The following FER1L5 variants were observed in gnomAD, a reference collection of about 807,000 sequenced individuals.
FER1L5 encodes the protein fer-1 like family member 5, also known as fer-1-like protein 5.
A neutral mutation model predicts 279.9 loss-of-function variants in FER1L5; 187 were observed. That is an observed-to-expected ratio of 0.67 (90% CI 0.59 to 0.75). The LOEUF (loss-of-function observed/expected upper bound fraction) is 0.75, where lower values mean the gene tolerates loss of function less well. Ranked by LOEUF, FER1L5 falls within the 30% of genes least tolerant of loss-of-function variation. The probability of loss-of-function intolerance (pLI) is 0.00; values close to 1 mark genes in which losing one functional copy is unlikely to be tolerated. For synonymous variants in FER1L5, 921 were observed against 989.7 expected (o/e 0.93, Z 1.30); for missense variants, 2,091 against 2,594.4 (o/e 0.81, Z 4.21).
At chr2:96,679,421 A>G (rs184371517) in intron 19 of FER1L5, among the ~76,000 whole-genome samples, 1 of 152,094 alleles carries the variant, frequency 6.6e-6, no homozygotes, top group East Asian at 1.9e-4. Context: ...ACGGGGTTTC[A>G]CCATGTTGGT....
At chr2:96,654,424 A>G (rs912617048) in intron 8 of FER1L5, 22 bp from the exon 9 acceptor site, 1 of 398,890 alleles carries the variant, frequency 2.5e-6, no homozygotes, top group African/African-American at 2.1e-5. Context: ...TAATTAAAAT[A>G]TTTCTGGGAA....
intron 19 of FER1L5, among the ~76,000 whole-genome samples, chr2:96,676,634 T>G (rs901519203): frequency 5.3e-5 from 8 of 151,434 alleles, no homozygotes; most frequent in South Asian, 2.1e-4. Flanking sequence ...ATTTTTTGTT[T>G]TTTTTTTTTT....
At chr2:96,690,719 C>G in intron 27 of FER1L5, 130 bp downstream of exon 27, 1 of 753,270 alleles carries the variant, frequency 1.3e-6, no homozygotes. Context: ...CCCTGGCCTC[C>G]AGAGCTGGGT....
chr2:96,660,952 A>AT (rs1273853627), intron 10 of FER1L5, among the ~76,000 whole-genome samples: 1 of 152,164 alleles, frequency 6.6e-6, no homozygotes, highest in Non-Finnish European at 1.5e-5. Flanking sequence ...TTAGATTTCT[A>AT]TTTTTTGAGG....
At position 96,692,182 on chromosome 2, in the gene FER1L5, G is replaced by T. The variant is rs866787067; in HGVS notation, c.3292+1G>T. 1.3e-6 allele frequency: 2 copies of T among 1,551,666 alleles called. No individual in the cohort carries two copies. The highest frequency in any genetic ancestry group is 1.2e-5 in the South Asian group (1 of 84,066). ...TCCAATCAGATCCTGACATTCCAAG[G>T]TAGGTGGCAGGCAGCCTTGTCCCCA... On this transcript the variant is annotated splice_donor_variant, in intron 31 of 52. Coordinates refer to ENST00000624922, the MANE Select transcript of FER1L5 (RefSeq NM_001293083.2). LOFTEE classifies it high-confidence loss of function.
chr2:96,697,238 T>C (rs2077415708), intron 37 of FER1L5, among the ~76,000 whole-genome samples: 1 of 152,328 alleles, frequency 6.6e-6, no homozygotes, highest in South Asian at 2.1e-4. Flanking sequence ...AGACTCTTAG[T>C]AGGTCAGGGT....
chr2:96,698,681 G>C lies in FER1L5; in HGVS notation c.4367G>C (p.Arg1456Pro). Residue 1456 changes from arginine (R) to proline (P), a missense_variant, in exon 41 of 53, where the codon CGC (arginine) becomes CCC (proline). Arg to Pro is a moderately radical substitution (Grantham distance 103). Transcript: ENST00000624922. The surrounding 1 kb of genome is among the most constrained non-coding windows in gnomAD (Gnocchi z 5.5). ...PVVGEFKGLF[R>P]IYPFPENPEA... ...CCCTCCCCCCGCCAGGGCCTTTTCC[G>C]CATCTACCCCTTTCCTGAGAATCCA... 1.9e-6 allele frequency: 3 copies of C among 1,586,422 alleles called. No individual in the cohort carries two copies. Among genetic ancestry groups the C allele is most frequent in the Non-Finnish European group, 8.6e-7 (1 of 1,167,094 alleles).
At position 96,648,722 on chromosome 2, in the gene FER1L5, G is replaced by A. The variant is rs763454887; in HGVS notation, c.339+836G>A. On this transcript the variant is annotated intron_variant, in intron 4 of 52. Transcript: ENST00000624922. ...CCTGGGCTGGTTACTGTAGATAACA[G>A]GTTGGTTCCCTGGGCTGGTTGCTGC... Among the ~76,000 whole-genome samples the A allele has an allele frequency of 3.2e-4, 48 of 152,346 alleles. No homozygotes were observed. The Middle Eastern group carries it at 0.02, about 65-fold the overall frequency.
chr2:96,692,198 C>G lies in FER1L5; in HGVS notation c.3292+17C>G. ...CATTCCAAGGTAGGTGGCAGGCAGC[C>G]TTGTCCCCAGCTGAGGACAAGGCCT... On this transcript the variant is annotated intron_variant, in intron 31 of 52. Transcript: ENST00000624922. The G allele has an allele frequency of 2.6e-6, 4 of 1,551,524 alleles. No individual in the cohort carries two copies. Among genetic ancestry groups the G allele is most frequent in the Non-Finnish European group, 3.5e-6 (4 of 1,146,856 alleles).
intron 19 of FER1L5, among the ~76,000 whole-genome samples, chr2:96,675,866 AC>A (rs2076492460): frequency 6.6e-6 from 1 of 151,516 alleles, no homozygotes; most frequent in African/African-American, 2.4e-5. Context: ...CAAGCAGTCC[AC>A]CCCACTTGGC....
In FER1L5 at chr2:96,703,398, G is replaced by A. The variant is rs375590012; in HGVS notation, c.5691+52G>A. The A allele has an allele frequency of 6.9e-5, 110 of 1,596,756 alleles. 2 individuals carry two copies. The highest frequency in any genetic ancestry group is 9.3e-5 in the Non-Finnish European group (109 of 1,170,766). ...TAGGGCTGCTATGCCACATGTCCTG[G>A]CTCTAACAGACATCTAGGGACCTAG... On this transcript the variant is annotated intron_variant, in intron 50 of 52. Transcript: ENST00000624922.
At chr2:96,666,246 A>G (rs1263852454) in intron 14 of FER1L5, among the ~76,000 whole-genome samples, 1 of 147,652 alleles carries the variant, frequency 6.8e-6, no homozygotes, top group African/African-American at 2.5e-5. Flanking sequence ...AGCACACTAG[A>G]TGAGGAACCA....
chr2:96,652,955 C>T (rs987069689), intron 7 of FER1L5: 1 of 152,458 alleles, frequency 6.6e-6, no homozygotes, highest in Non-Finnish European at 1.5e-5. Flanking sequence ...TGGCTCATGC[C>T]TGTAATTCCA....
At chr2:96,651,237 CTCTT>C (rs70964882) in intron 6 of FER1L5, among the ~76,000 whole-genome samples, 29,156 of 128,168 alleles carry the variant, frequency 0.23, 3,346 homozygotes, top group South Asian at 0.27. Flanking sequence ...TTCTTTCTTT[CTCTT>C]TCTTTCTTTC....
intron 18 of FER1L5, among the ~76,000 whole-genome samples, chr2:96,672,375 C>G (rs2076360235): frequency 6.6e-6 from 1 of 152,080 alleles, no homozygotes; most frequent in Non-Finnish European, 1.5e-5. Context: ...CACGCCTGGC[C>G]TCAAAAGTAA....
chr2:96,680,204 G>A (rs549687421), intron 19 of FER1L5, among the ~76,000 whole-genome samples: 1 of 151,964 alleles, frequency 6.6e-6, no homozygotes, highest in Admixed American at 6.6e-5. Flanking sequence ...CCTTCTGCTT[G>A]TTGCTTTTGT....
At position 96,686,263 on chromosome 2, in the gene FER1L5, G is replaced by GCGA. The variant is rs931537430; in HGVS notation, c.2142_2143insCGA (p.Gln714_Val715insArg). ...AGGAGCAGCGAGTGGCCTATGCACAGGTGCCTGCCCACTCCGTCCTCTTCT... is the reference window on the plus strand; with the variant it reads ...AGGAGCAGCGAGTGGCCTATGCACAGCGAGTGCCTGCCCACTCCGTCCTCTTCT... On this transcript the variant is annotated inframe_insertion, in exon 23 of 53. Transcript: ENST00000624922. 6.4e-7 allele frequency: 1 copy of GCGA among 1,551,530 alleles called. No homozygotes were observed. Among genetic ancestry groups the GCGA allele is most frequent in the African/African-American group, 1.4e-5 (1 of 73,062 alleles).
At chr2:96,683,098 G>A (rs1488510318) in intron 19 of FER1L5, among the ~76,000 whole-genome samples, 6 of 152,176 alleles carry the variant, frequency 3.9e-5, no homozygotes, top group African/African-American at 1.4e-4. Context: ...CTGTGTGATG[G>A]GTCAGTTCTC....
At chr2:96,646,851 A>G (rs898264418) in intron 2 of FER1L5, among the ~76,000 whole-genome samples, 4 of 152,196 alleles carry the variant, frequency 2.6e-5, no homozygotes, top group Non-Finnish European at 2.9e-5. Context: ...CAGGCCAATG[A>G]TACTGCAGTT....
Sources: allele counts gnomAD v4.1 joint callset (sites outside exome capture counted in the v4.1 genomes callset), GRCh38; gene constraint gnomAD v4.1.1; non-coding constraint Gnocchi (gnomAD v3.1); transcripts MANE v1.5; gene names NCBI Gene and HGNC (gene_info 2026-07-23, HGNC 2026-07-21).